SSH1: variants seen among roughly 807,000 people sequenced by gnomAD.
The protein encoded by SSH1 is slingshot protein phosphatase 1, also known as protein phosphatase Slingshot homolog 1.
SSH1 carries 43 observed loss-of-function variants against 79.7 expected under a neutral mutation model. The observed-to-expected ratio is 0.54, with a 90% CI of 0.42 to 0.70. The LOEUF is 0.70. SSH1 is among the 30% of genes least tolerant of loss of function. The pLI is 0.00. For missense variants in SSH1, 1,206 were observed against 1,358.8 expected, an observed-to-expected ratio of 0.89 and a Z score of 1.77; for synonymous variants, 599 against 538.3, an observed-to-expected ratio of 1.11 and a Z score of -1.56.
chr12:108,831,696 G>A (rs1315738200), intron 2 of SSH1, among the ~76,000 whole-genome samples: 1 of 152,236 alleles, frequency 6.6e-6, no homozygotes, highest in East Asian at 1.9e-4. Context: ...GGGCAGGAGA[G>A]TAAGATGATT....
At position 108,857,401 on chromosome 12, in the gene SSH1, GC is replaced by G. The variant is rs2039166731; in HGVS notation, c.69+26del. 1 of 1,016,724 alleles carries G rather than the reference GC, an allele frequency of 9.8e-7. No individual in the cohort carries two copies. The highest frequency in any genetic ancestry group is 1.7e-5 in the African/African-American group (1 of 57,422). The allele number at this position is 1,016,724 out of a possible 1,614,324, so 63.0% of individuals were successfully genotyped here. On this transcript the variant is annotated intron_variant, in intron 1 of 14. Coordinates refer to ENST00000326495, the MANE Select transcript of SSH1 (RefSeq NM_018984.4). The surrounding 1 kb of genome is among the most constrained non-coding windows in gnomAD (Gnocchi z 4.7). The stretch of plus-strand genomic sequence containing the variant: ...CTCGGCGCGGCGTCCGGCGGCCCAG[GC>G]CGGGCGCGGCGAGCCCGGGGCTCAC...
intron 13 of SSH1, among the ~76,000 whole-genome samples, chr12:108,794,589 G>T (rs551551127): frequency 6.6e-6 from 1 of 152,268 alleles, no homozygotes; most frequent in African/African-American, 2.4e-5. Context: ...ATCTGTAAAG[G>T]TAAACTTGTT....
intron 14 of SSH1, among the ~76,000 whole-genome samples, chr12:108,790,474 G>C (rs1036994739): frequency 6.6e-6 from 1 of 151,484 alleles, no homozygotes; most frequent in Non-Finnish European, 1.5e-5. Flanking sequence ...AGTAGAGACA[G>C]GGTTTCACCA....
chr12:108,824,454 C>CAAA (rs778260052), intron 2 of SSH1, among the ~76,000 whole-genome samples: 1 of 113,692 alleles, frequency 8.8e-6, no homozygotes, highest in South Asian at 2.9e-4. Flanking sequence ...GACTGTGTCT[C>CAAA]AAAAAAAAAA....
In SSH1 at chr12:108,783,282, A is replaced by C. The variant is rs974935546; in HGVS notation, c.*4706T>G. 9 of 152,402 alleles carry C rather than the reference A, an allele frequency of 5.9e-5. No homozygotes were observed. The highest frequency in any genetic ancestry group is 2.2e-4 in the African/African-American group (9 of 41,576). 9.4% of individuals were successfully genotyped at this position (152,402 alleles called of 1,614,324 possible). A position where few individuals can be genotyped will look rare whatever the true frequency, so the allele number is the denominator to read the frequency against. ...GGAATAGATGTGAACACACAATGTA[A>C]AACTGCATAGCAGGATAAACACGTA... On this transcript the variant is annotated 3_prime_UTR_variant, in exon 15 of 15. Coordinates refer to ENST00000326495, the MANE Select transcript of SSH1 (RefSeq NM_018984.4).
intron 2 of SSH1, chr12:108,827,423 C>G: frequency 7.4e-7 from 1 of 1,359,036 alleles, no homozygotes; most frequent in African/African-American, 1.5e-5. Context: ...CTATGGAGAT[C>G]AGGAAAAGCC....
rs1162527496 is a variant in SSH1 at position 108,787,905 on chromosome 12, A to G, written c.*83T>C. 80 of 1,544,950 alleles carry G rather than the reference A, an allele frequency of 5.2e-5. No homozygotes were observed. In the East Asian group the frequency reaches 1.8e-3, roughly 34 times the overall value. On this transcript the variant is annotated 3_prime_UTR_variant, in exon 15 of 15. Transcript: ENST00000326495. ...ACTCGTTTAAGGGAAATCAAGATGTAAGGGGTCGATCCAAATCCACAGTGA... is the reference window on the plus strand; with the variant it reads ...ACTCGTTTAAGGGAAATCAAGATGTGAGGGGTCGATCCAAATCCACAGTGA...
intron 2 of SSH1, among the ~76,000 whole-genome samples, chr12:108,848,169 G>A (rs1241123601): frequency 6.6e-6 from 1 of 152,160 alleles, no homozygotes; most frequent in African/African-American, 2.4e-5. Flanking sequence ...GATATGCCAA[G>A]GTAGAGAGGA....
chr12:108,830,730 G>A (rs979528968), intron 2 of SSH1, among the ~76,000 whole-genome samples: 8 of 152,138 alleles, frequency 5.3e-5, no homozygotes, highest in Non-Finnish European at 1.2e-4. Flanking sequence ...TCAGAGACCT[G>A]AATGTTCTTC....
chr12:108,789,319 G>A (rs1029994145), intron 14 of SSH1, 75 bp from the exon 15 acceptor site: 15 of 1,496,736 alleles, frequency 1.0e-5, no homozygotes, highest in Middle Eastern at 1.7e-4. Flanking sequence ...AGGGTGGGCA[G>A]GGAAAGGGGT....
chr12:108,822,646 C>T (rs748954526), intron 3 of SSH1, among the ~76,000 whole-genome samples: 5 of 152,164 alleles, frequency 3.3e-5, no homozygotes, highest in Non-Finnish European at 7.4e-5. Context: ...TTTCTAACTG[C>T]CTTCAGCTCT....
chr12:108,799,141 G>A lies in SSH1; in HGVS notation c.1208C>T (p.Thr403Ile). The A allele has an allele frequency of 6.2e-7, 1 of 1,614,226 alleles. No homozygotes were observed. Among genetic ancestry groups the A allele is most frequent in the Non-Finnish European group, 8.5e-7 (1 of 1,180,044 alleles). ...TTCCTTCATTGCATAGGCTATGACT[G>A]TGGAGGCCGAGCGACTCACGCCCAT... Reference protein sequence around the residue: ...CKMGVSRSASTVIAYAMKEFG... With the variant: ...CKMGVSRSASIVIAYAMKEFG... Residue 403 changes from threonine (T) to isoleucine (I), a missense_variant, in exon 13 of 15, where the codon ACA (threonine) becomes ATA (isoleucine). This residue lies in a region of SSH1 where 166 missense variants were observed against 262.9 expected (regional missense o/e 0.63). Coordinates refer to ENST00000326495, the MANE Select transcript of SSH1 (RefSeq NM_018984.4).
chr12:108,792,366 G>C lies in SSH1; in HGVS notation c.1813C>G (p.Pro605Ala). 6.2e-7 allele frequency: 1 copy of C among 1,614,154 alleles called. No individual in the cohort carries two copies. The highest frequency in any genetic ancestry group is 8.5e-7 in the Non-Finnish European group (1 of 1,180,028). The change falls in exon 14 of 15, where the codon CCA becomes GCA. Residue 605 changes from proline to alanine, a missense_variant. By Grantham distance (27) the Pro-to-Ala change is conservative. Coordinates refer to ENST00000326495, the MANE Select transcript of SSH1 (RefSeq NM_018984.4). ...GLGAGRWGQL[P>A]TQLDQNLLNS... The stretch of plus-strand genomic sequence containing the variant: ...AGCAGGTTTTGATCGAGCTGGGTTG[G>C]AAGCTGCCCCCACCTCCCTGCTCCC...
At chr12:108,819,961 T>A (rs998230318) in intron 3 of SSH1, among the ~76,000 whole-genome samples, 4 of 152,238 alleles carry the variant, frequency 2.6e-5, no homozygotes, top group Non-Finnish European at 4.4e-5. Flanking sequence ...CAAATTGCAC[T>A]TCCTGTCTCA....
intron 13 of SSH1, among the ~76,000 whole-genome samples, chr12:108,797,122 TTTTG>T (rs370399942): frequency 3.3e-3 from 495 of 152,166 alleles, no homozygotes; most frequent in African/African-American, 0.011. Context: ...GCATTCATTG[TTTTG>T]TTTGTTTGTT....
intron 2 of SSH1, chr12:108,826,072 C>G (rs1177240811): frequency 4.5e-6 from 2 of 440,296 alleles, no homozygotes; most frequent in East Asian, 1.4e-4. Context: ...TGCTTTTGTT[C>G]ATGAGATTAA....
chr12:108,808,035 T>G (rs560174443), intron 7 of SSH1, among the ~76,000 whole-genome samples: 1 of 152,254 alleles, frequency 6.6e-6, no homozygotes, highest in South Asian at 2.1e-4. Flanking sequence ...CCTCCTGGGT[T>G]CAAGCAATTC....
At chr12:108,827,448 T>C (rs2038353898) in intron 2 of SSH1, 3 of 1,309,082 alleles carry the variant, frequency 2.3e-6, no homozygotes, top group East Asian at 3.0e-5. Context: ...GGCTGCCGAG[T>C]GCTTCCACGA....
chr12:108,800,618 C>G (rs550876209), intron 12 of SSH1, among the ~76,000 whole-genome samples, 162 bp downstream of exon 12: 9 of 152,212 alleles, frequency 5.9e-5, no homozygotes, highest in Admixed American at 1.3e-4. Context: ...AAAGGTCCAT[C>G]CCACATCAAG....
Sources: allele counts gnomAD v4.1 joint callset (sites outside exome capture counted in the v4.1 genomes callset), GRCh38; gene constraint gnomAD v4.1.1; regional missense constraint gnomAD v4.1.1; non-coding constraint Gnocchi (gnomAD v3.1); transcripts MANE v1.5; gene names NCBI Gene and HGNC (gene_info 2026-07-23, HGNC 2026-07-21).